ARHGEF7: variants seen among roughly 807,000 people sequenced by gnomAD.
ARHGEF7 encodes PAK-interacting exchange factor beta.
Under a neutral mutation model 109.8 loss-of-function variants are expected in ARHGEF7, and 33 were observed. The ratio of observed to expected loss-of-function variants is 0.30; its 90% CI spans 0.23 to 0.40. The LOEUF (loss-of-function observed/expected upper bound fraction) is 0.40, where lower values mean the gene tolerates loss of function less well. Ranked by LOEUF, ARHGEF7 falls within the 10% of genes least tolerant of loss-of-function variation. The probability of loss-of-function intolerance (pLI) is 1.00; values close to 1 mark genes in which losing one functional copy is unlikely to be tolerated. For missense variants in ARHGEF7, 938 were observed against 1,098.5 expected, an observed-to-expected ratio of 0.85 and a Z score of 2.07; for synonymous variants, 458 against 424.6, an observed-to-expected ratio of 1.08 and a Z score of -0.97.
rs2066678798 is a variant in ARHGEF7, at chr13:111,115,667, C to G, written c.141C>G (p.Arg47=). The part of the protein sequence containing the change: ...DGVVLCRLLE[R]LLPGTIEKVY... ...TGGTCCTCTGCAGGCTGCTGGAGCG[C>G]CTGCTCCCCGGGACCATCGAGAAAG... The change falls in exon 1 of 22, where the codon CGC becomes CGG. Residue 47 remains arginine, a synonymous_variant. Coordinates refer to ENST00000646102, the MANE Select transcript of ARHGEF7 (RefSeq NM_001354046.2). The G allele has an allele frequency of 1.5e-6, 2 of 1,318,438 alleles. No homozygotes were observed. Among genetic ancestry groups the G allele is most frequent in the African/African-American group, 1.6e-5 (1 of 64,052 alleles). 81.7% of individuals were successfully genotyped at this position (1,318,438 alleles called of 1,614,324 possible).
At chr13:111,133,071 C>T in intron 1 of ARHGEF7, among the ~76,000 whole-genome samples, 1 of 152,078 alleles carries the variant, frequency 6.6e-6, no homozygotes, top group South Asian at 2.1e-4. Flanking sequence ...CACATATACA[C>T]ATGTATATAC....
chr13:111,252,661 C>A (rs1000690830), intron 8 of ARHGEF7, among the ~76,000 whole-genome samples: 1 of 152,192 alleles, frequency 6.6e-6, no homozygotes, highest in Non-Finnish European at 1.5e-5. Context: ...TACAGACCTA[C>A]TATTTATTGA....
intron 5 of ARHGEF7, among the ~76,000 whole-genome samples, chr13:111,223,480 G>A (rs7320688): frequency 0.86 from 130,203 of 152,232 alleles, 56,186 homozygotes; most frequent in South Asian, 0.92. Context: ...TCTCTAAATG[G>A]CACTTTTTTA....
intron 2 of ARHGEF7, 56 bp downstream of exon 2, chr13:111,154,047 G>C: frequency 6.6e-7 from 1 of 1,511,542 alleles, no homozygotes; most frequent in Non-Finnish European, 8.8e-7. Flanking sequence ...GGTTGGGCCC[G>C]GGGTGGGTGC....
At chr13:111,153,571 C>T (rs1595088896) in intron 1 of ARHGEF7, 8 of 1,041,956 alleles carry the variant, frequency 7.7e-6, no homozygotes, top group Non-Finnish European at 9.4e-6. Context: ...GGGTGGGCTG[C>T]GTCCGCGGGG....
chr13:111,140,444 T>A (rs2075294508), intron 1 of ARHGEF7, among the ~76,000 whole-genome samples: 1 of 152,122 alleles, frequency 6.6e-6, no homozygotes, highest in Non-Finnish European at 1.5e-5. Flanking sequence ...AGAGACTTGA[T>A]GAATGGGAGC....
intron 1 of ARHGEF7, among the ~76,000 whole-genome samples, chr13:111,126,475 G>A (rs2067568122): frequency 6.7e-6 from 1 of 150,194 alleles, no homozygotes; most frequent in South Asian, 2.1e-4. Flanking sequence ...GGGCAGCTGA[G>A]CGAGACTCCA....
At chr13:111,291,799 AT>A (rs2093294197) in intron 18 of ARHGEF7, among the ~76,000 whole-genome samples, 1 of 152,210 alleles carries the variant, frequency 6.6e-6, no homozygotes, top group Non-Finnish European at 1.5e-5. Flanking sequence ...CATGGGTGTG[AT>A]TTGTAAAAGA....
At chr13:111,179,296 C>G (rs1329396630) in intron 2 of ARHGEF7, among the ~76,000 whole-genome samples, 1 of 152,076 alleles carries the variant, frequency 6.6e-6, no homozygotes, top group Non-Finnish European at 1.5e-5. Flanking sequence ...GTTGACCAGG[C>G]TGGTCTTGAA....
chr13:111,206,969 A>AAG (rs1566820270), intron 3 of ARHGEF7, among the ~76,000 whole-genome samples: 2 of 141,030 alleles, frequency 1.4e-5, no homozygotes, highest in African/African-American at 5.1e-5. Flanking sequence ...CTAAAAAAAA[A>AAG]AAAAAAGAAA....
chr13:111,153,402 G>T (rs890986926), intron 1 of ARHGEF7, among the ~76,000 whole-genome samples: 1 of 152,102 alleles, frequency 6.6e-6, no homozygotes, highest in Non-Finnish European at 1.5e-5. Context: ...CGAGCGCGGA[G>T]CCGGGCCTTG....
At position 111,205,381 on chromosome 13, in the gene ARHGEF7, T is replaced by C; in HGVS notation, c.337+8T>C. The C allele has an allele frequency of 1.3e-6, 2 of 1,575,158 alleles. No homozygotes were observed. The highest frequency in any genetic ancestry group is 1.7e-6 in the Non-Finnish European group (2 of 1,165,126). Reference sequence around the variant, plus strand: ...TAAATAAAGTAACAGCAGGTAAGACTCTTTTTTATTGAACTCGAGGGGGTG... The same window carrying C: ...TAAATAAAGTAACAGCAGGTAAGACCCTTTTTTATTGAACTCGAGGGGGTG... On this transcript the variant is annotated splice_region_variant and intron_variant, in intron 3 of 21. Transcript: ENST00000646102.
At chr13:111,276,227 AC>A (rs1329382111) in intron 12 of ARHGEF7, among the ~76,000 whole-genome samples, 2 of 152,216 alleles carry the variant, frequency 1.3e-5, no homozygotes, top group Admixed American at 1.3e-4. Flanking sequence ...ACATTGACAT[AC>A]ATTCAATGGG....
At chr13:111,193,458 T>C (rs1460185793) in intron 2 of ARHGEF7, among the ~76,000 whole-genome samples, 1 of 152,280 alleles carries the variant, frequency 6.6e-6, no homozygotes, top group African/African-American at 2.4e-5. Flanking sequence ...CCTTGGGTTT[T>C]TGCACTGCGT....
At chr13:111,243,684 G>T (rs890267118) in intron 6 of ARHGEF7, among the ~76,000 whole-genome samples, 188 bp from the exon 7 acceptor site, 2 of 152,194 alleles carry the variant, frequency 1.3e-5, no homozygotes, top group African/African-American at 4.8e-5. Context: ...TATGGCCTTA[G>T]TAATAATTCA....
At position 111,273,189 on chromosome 13, in the gene ARHGEF7, A is replaced by C. The variant is rs1764186335; in HGVS notation, c.1074-625A>C. ...GTAAATCAACATTCGCTGTCTGCAC[A>C]CAGGGACCCCTTTCTTCCTCACGTA... On this transcript the variant is annotated intron_variant, in intron 9 of 21. Coordinates refer to ENST00000646102, the MANE Select transcript of ARHGEF7 (RefSeq NM_001354046.2). This position sits in a 1 kb window ranked among gnomAD's most constrained non-coding sequence, Gnocchi z 4.5. Among the ~76,000 whole-genome samples, 2 of 152,242 alleles carry C rather than the reference A, an allele frequency of 1.3e-5. No homozygotes were observed. Among genetic ancestry groups the C allele is most frequent in the African/African-American group, 4.8e-5 (2 of 41,468 alleles).
rs565234647 is a variant in ARHGEF7, at chr13:111,153,679, G to C, written c.166-226G>C. The C allele has an allele frequency of 4.6e-5, 58 of 1,248,898 alleles. 1 individual carries two copies. The South Asian group carries it at 5.1e-4, about 11-fold the overall frequency. 77.4% of individuals were successfully genotyped at this position (1,248,898 alleles called of 1,614,324 possible). On this transcript the variant is annotated intron_variant, in intron 1 of 21. Coordinates refer to ENST00000646102, the MANE Select transcript of ARHGEF7 (RefSeq NM_001354046.2). ...GCGCCGGGGCTCACTTCCTGGTGCG[G>C]GAAGGGGCAGAGATTGGTGCAGCCC... is the stretch of plus-strand genomic sequence containing the variant.
chr13:111,294,934 C>T (rs2093392841), intron 19 of ARHGEF7: 1 of 985,354 alleles, frequency 1.0e-6, no homozygotes, highest in African/African-American at 1.8e-5. Context: ...CATAAAATTG[C>T]CAAAACACAG....
intron 2 of ARHGEF7, among the ~76,000 whole-genome samples, chr13:111,195,616 C>T (rs928727181): frequency 1.3e-5 from 2 of 152,162 alleles, no homozygotes; most frequent in African/African-American, 2.4e-5. Context: ...CTCTGGGCAC[C>T]GTCAGTCCTG....
Sources: gnomAD v4.1 joint callset for allele counts (sites outside exome capture counted in the v4.1 genomes callset) on GRCh38, gnomAD v4.1.1 for gene constraint, Gnocchi (gnomAD v3.1) non-coding constraint, MANE v1.5 for transcripts, NCBI Gene and HGNC (gene_info 2026-07-23, HGNC 2026-07-21) for gene names.